CEP250: variants seen among roughly 807,000 people sequenced by gnomAD.
CEP250 encodes centrosomal protein 250, also known as centrosome-associated protein CEP250.
CEP250 carries 242 observed loss-of-function variants against 315.7 expected under a neutral mutation model. That is an observed-to-expected ratio of 0.77 (90% CI 0.69 to 0.85). CEP250 has a LOEUF of 0.85. Among genes scored for constraint, CEP250 ranks in the 40% least tolerant of loss-of-function variants. CEP250 has a pLI of 0.00. For synonymous variants in CEP250, 1,088 were observed against 1,175.0 expected (o/e 0.93, Z 1.51); for missense variants, 2,515 against 2,886.4 (o/e 0.87, Z 2.95).
chr20:35,467,656 A>G (rs773448727), intron 9 of CEP250, 101 bp downstream of exon 9: 136 of 1,325,320 alleles, frequency 1.0e-4, no homozygotes, highest in Non-Finnish European at 1.3e-4. Flanking sequence ...CATTCCTACC[A>G]TGGAGGGGGA....
chr20:35,497,698 T>C (rs1171482141), intron 25 of CEP250, 21 bp from the exon 26 acceptor site: 5 of 1,510,284 alleles, frequency 3.3e-6, no homozygotes, highest in Non-Finnish European at 3.6e-6. Flanking sequence ...GCTTATATTA[T>C]GTAAAATTCT....
chr20:35,502,722 G>A lies in CEP250; in HGVS notation c.4353G>A (p.Arg1451=), dbSNP rs1216657994. 9 of 1,614,280 alleles carry A rather than the reference G, an allele frequency of 5.6e-6. No individual in the cohort carries two copies. The South Asian group carries it at 6.6e-5, about 12-fold the overall frequency. The part of the protein sequence containing the change: ...RGQIQELEKQ[R]EMQKAALELL... ...AAATCCAGGAACTGGAGAAGCAACG[G>A]GAAATGCAGAAGGCTGCTTTGGAAT... The change falls in exon 30 of 35, where the codon CGG becomes CGA. Residue 1451 remains arginine (R), a synonymous_variant. Coordinates refer to ENST00000397527, the MANE Select transcript of CEP250 (RefSeq NM_007186.6).
At chr20:35,476,727 AG>A in intron 16 of CEP250, 132 bp downstream of exon 16, 1 of 752,850 alleles carries the variant, frequency 1.3e-6, no homozygotes, top group Non-Finnish European at 2.1e-6. Flanking sequence ...AAAGACTGTA[AG>A]GATTGGGCTT....
Position 35,498,035 on chromosome 20 carries a change from A to G in CEP250, c.3623A>G (p.Asp1208Gly). The G allele has an allele frequency of 6.3e-7, 1 of 1,591,026 alleles. No individual in the cohort carries two copies. Among genetic ancestry groups the G allele is most frequent in the African/African-American group, 1.3e-5 (1 of 74,398 alleles). The change falls in exon 26 of 35, where the codon GAC becomes GGC. Residue 1208 changes from aspartate (D) to glycine (G), a missense_variant. Transcript: ENST00000397527. ...AGGCCTGAGCTGAGTGGTGGGGGAGACTCTGCTCCTTCCGTCTGGGGCCTT... is the reference window on the plus strand; with the variant it reads ...AGGCCTGAGCTGAGTGGTGGGGGAGGCTCTGCTCCTTCCGTCTGGGGCCTT... ...ESRPELSGGG[D>G]SAPSVWGLEP... is the part of the protein sequence containing the mutation.
intron 6 of CEP250, 82 bp downstream of exon 6, chr20:35,465,907 A>C: frequency 6.6e-7 from 1 of 1,515,718 alleles, no homozygotes; most frequent in Non-Finnish European, 9.0e-7. Context: ...CCTGAGGGCT[A>C]ATGTGGACTT....
intron 10 of CEP250, among the ~76,000 whole-genome samples, chr20:35,471,324 G>C (rs1391790773): frequency 6.6e-6 from 1 of 152,190 alleles, no homozygotes; most frequent in Admixed American, 6.5e-5. Context: ...TCATCTAGAT[G>C]AGGCATCTAC....
chr20:35,467,630 G>A (rs1453115985), intron 9 of CEP250, 75 bp downstream of exon 9: 1 of 1,426,748 alleles, frequency 7.0e-7, no homozygotes, highest in South Asian at 1.3e-5. Context: ...GGACAGGCAG[G>A]GGGAGGTGCC....
Position 35,512,052 on chromosome 20 carries a change from A to G in CEP250, c.*426A>G. The G allele has an allele frequency of 3.9e-6, 4 of 1,021,084 alleles. No homozygotes were observed. The highest frequency in any genetic ancestry group is 4.7e-6 in the Non-Finnish European group (4 of 852,716). The allele number at this position is 1,021,084 out of a possible 1,614,324, so 63.3% of individuals were successfully genotyped here. A position where few individuals can be genotyped will look rare whatever the true frequency, so the allele number is the denominator to read the frequency against. On this transcript the variant is annotated 3_prime_UTR_variant, in exon 35 of 35. Coordinates refer to ENST00000397527, the MANE Select transcript of CEP250 (RefSeq NM_007186.6). ...GAGTTTATCTGGGAAGAACTTGCCA[A>G]AGATTCCTGTTGAGGTAGCATGCAT...
rs1276900541 is a variant in CEP250, at chr20:35,466,964, A to C, written c.493-2A>C. On this transcript the variant is annotated splice_acceptor_variant, in intron 7 of 34. Coordinates refer to ENST00000397527, the MANE Select transcript of CEP250 (RefSeq NM_007186.6). LOFTEE classifies it high-confidence loss of function. The stretch of plus-strand genomic sequence containing the variant: ...GTATGACCTGGGTTTCTGAACACAC[A>C]GTTCTTCAAGGGCTACCTGAAAGGG... 6.2e-7 allele frequency: 1 copy of C among 1,605,882 alleles called. No homozygotes were observed. Among genetic ancestry groups the C allele is most frequent in the Non-Finnish European group, 8.5e-7 (1 of 1,172,860 alleles).
chr20:35,458,985 T>C (rs2062694619), intron 2 of CEP250, among the ~76,000 whole-genome samples: 1 of 128,608 alleles, frequency 7.8e-6, no homozygotes, highest in Admixed American at 8.2e-5. Flanking sequence ...TTTTTTTTTT[T>C]TTTTTTTTTG....
rs759999716 is a variant in CEP250 at position 35,473,421 on chromosome 20, G to A, written c.1257G>A (p.Leu419=). ...LAGCQEAVNL[L]QQQHDQWEEE... The stretch of plus-strand genomic sequence containing the variant: ...GCTGTCAAGAGGCTGTGAACTTGTT[G>A]CAACAGCAGCATGATCAGTGGGAGG... Residue 419 remains leucine, a synonymous_variant, in exon 13 of 35, where the codon TTG becomes TTA. Coordinates refer to ENST00000397527, the MANE Select transcript of CEP250 (RefSeq NM_007186.6). 5.0e-6 allele frequency: 8 copies of A among 1,614,056 alleles called. No individual in the cohort carries two copies. Among genetic ancestry groups the A allele is most frequent in the Non-Finnish European group, 6.8e-6 (8 of 1,180,028 alleles).
Position 35,502,644 on chromosome 20 carries a change from C to G in CEP250, c.4275C>G (p.Leu1425=), listed in dbSNP as rs368599735. ...QGKALQENLA[L]LTQTLAEREE... is the part of the protein sequence containing the mutation. ...AGGCTCTGCAAGAGAATTTGGCCCT[C>G]CTGACCCAGACCCTAGCTGAAAGAG... Residue 1425 remains leucine, a synonymous_variant, in exon 30 of 35, where the codon CTC becomes CTG. Transcript: ENST00000397527. The G allele has an allele frequency of 2.4e-5, 39 of 1,614,150 alleles. No individual in the cohort carries two copies. The highest frequency in any genetic ancestry group is 3.0e-5 in the Non-Finnish European group (35 of 1,180,058).
intron 1 of CEP250, among the ~76,000 whole-genome samples, chr20:35,456,904 C>G (rs137914589): frequency 0.044 from 6,734 of 151,918 alleles, 194 homozygotes; most frequent in South Asian, 0.12. Context: ...GCCTCAGCCT[C>G]CTGAGTAGCT....
At position 35,462,302 on chromosome 20, in the gene CEP250, G is replaced by A; in HGVS notation, c.-66G>A. ...TTGAAGTGGCATGGCAATGGTTAGAGACCCTGCTGGGCGTGAACACCCTCT... is the reference window on the plus strand; with the variant it reads ...TTGAAGTGGCATGGCAATGGTTAGAAACCCTGCTGGGCGTGAACACCCTCT... On this transcript the variant is annotated 5_prime_UTR_variant, in exon 4 of 35. Transcript: ENST00000397527. The A allele has an allele frequency of 7.4e-7, 1 of 1,344,002 alleles. No homozygotes were observed. The highest frequency in any genetic ancestry group is 2.5e-5 in the East Asian group (1 of 39,468). The allele number at this position is 1,344,002 out of a possible 1,614,324, so 83.3% of individuals were successfully genotyped here.
In CEP250 at chr20:35,494,670, G is replaced by A. The variant is rs376270062; in HGVS notation, c.3167+13G>A. On this transcript the variant is annotated intron_variant, in intron 24 of 34. Transcript: ENST00000397527. ...GAGAGAAAGCCAGGTAGGCTAGATA[G>A]GCCATGGAGGTGGCTTTTGTCTATC... 1.8e-5 allele frequency: 29 copies of A among 1,613,278 alleles called. No homozygotes were observed. Among genetic ancestry groups the A allele is most frequent in the Non-Finnish European group, 2.2e-5 (26 of 1,179,738 alleles).
chr20:35,494,534 T>G lies in CEP250; in HGVS notation c.3044T>G (p.Leu1015Trp). 1 of 1,613,890 alleles carries G rather than the reference T, an allele frequency of 6.2e-7. No individual in the cohort carries two copies. Among genetic ancestry groups the G allele is most frequent in the Non-Finnish European group, 8.5e-7 (1 of 1,179,982 alleles). The change falls in exon 24 of 35, where the codon TTG becomes TGG. Residue 1015 changes from leucine (L) to tryptophan (W), a missense_variant. Leu to Trp is a moderately conservative substitution (Grantham distance 61). Coordinates refer to ENST00000397527, the MANE Select transcript of CEP250 (RefSeq NM_007186.6). Reference sequence around the variant, plus strand: ...CCCTTAATTTTCCAGGTGGAGGACTTGAAGTCTCAGCTGGTGGCCCAGGAT... The same window carrying G: ...CCCTTAATTTTCCAGGTGGAGGACTGGAAGTCTCAGCTGGTGGCCCAGGAT... ...KMDLQKQVEDLKSQLVAQDDS... is the reference protein window; with the variant it reads ...KMDLQKQVEDWKSQLVAQDDS...
At position 35,511,274 on chromosome 20, in the gene CEP250, G is replaced by A. The variant is rs1003882853; in HGVS notation, c.7066-89G>A. On this transcript the variant is annotated intron_variant, in intron 34 of 34. Transcript: ENST00000397527. ...GAGTTGATTCAGATGATCAGCCAAC[G>A]AGCTTCAGAGAACACAGAGCAGGAA... The A allele has an allele frequency of 1.3e-4, 145 of 1,153,078 alleles. No individual in the cohort carries two copies. In the African/African-American group the frequency reaches 1.8e-3, roughly 14 times the overall value. The allele number at this position is 1,153,078 out of a possible 1,614,324, so 71.4% of individuals were successfully genotyped here. A position where few individuals can be genotyped will look rare whatever the true frequency, so the allele number is the denominator to read the frequency against.
At chr20:35,509,566 G>A (rs1383645293) in intron 33 of CEP250, among the ~76,000 whole-genome samples, 2 of 152,226 alleles carry the variant, frequency 1.3e-5, no homozygotes, top group East Asian at 3.8e-4. Context: ...ACACAGGCTT[G>A]CAGCCTGACA....
intron 20 of CEP250, among the ~76,000 whole-genome samples, chr20:35,482,256 G>A (rs1253139664): frequency 6.6e-6 from 1 of 151,996 alleles, no homozygotes; most frequent in African/African-American, 2.4e-5. Flanking sequence ...TTTTGAGACG[G>A]AGTCTCGCTC....
Sources: gnomAD v4.1 joint callset for allele counts (sites outside exome capture counted in the v4.1 genomes callset) on GRCh38, gnomAD v4.1.1 for gene constraint, MANE v1.5 for transcripts, NCBI Gene and HGNC (gene_info 2026-07-23, HGNC 2026-07-21) for gene names.